The following GPM6A variants were observed in gnomAD, a reference collection of about 807,000 sequenced individuals.
The protein encoded by GPM6A is neuronal membrane glycoprotein M6-a.
Under a neutral mutation model 32.1 loss-of-function variants are expected in GPM6A, and 7 were observed. That is an observed-to-expected ratio of 0.22 (90% confidence interval 0.12 to 0.41). The LOEUF is 0.41. Among genes scored for constraint, GPM6A ranks in the 10% least tolerant of loss-of-function variants. The pLI is 1.00. For missense variants in GPM6A, 235 were observed against 347.2 expected, an observed-to-expected ratio of 0.68 and a Z score of 2.57; for synonymous variants, 130 against 123.4, an observed-to-expected ratio of 1.05 and a Z score of -0.35.
intron 1 of GPM6A, among the ~76,000 whole-genome samples, chr4:175,802,113 G>A (rs767476024): frequency 4.6e-5 from 7 of 151,922 alleles, no homozygotes; most frequent in African/African-American, 7.2e-5. Flanking sequence ...TTAAATTTTC[G>A]TGCAGTGTTG....
At chr4:175,817,240 A>G (rs544885681), upstream of GPM6A, among the ~76,000 whole-genome samples, 267 of 152,366 alleles carry the variant, frequency 1.8e-3, no homozygotes, top group African/African-American at 6.2e-3. Context: ...AACATTCTTC[A>G]GAGTTACATA....
chr4:175,836,664 G>A (rs1339324188), intron 1 of GPM6A, among the ~76,000 whole-genome samples: 3 of 152,004 alleles, frequency 2.0e-5, no homozygotes, highest in Non-Finnish European at 4.4e-5. Context: ...GCAGGAATAT[G>A]TTAGAAAATG....
intron 1 of GPM6A, among the ~76,000 whole-genome samples, chr4:175,831,775 G>C (rs186825003): frequency 2.9e-5 from 4 of 139,748 alleles, no homozygotes; most frequent in African/African-American, 1.1e-4. Flanking sequence ...GCTGGAGTGC[G>C]CTATCTTAGC....
intron 1 of GPM6A, among the ~76,000 whole-genome samples, chr4:175,795,372 G>A (rs958880383): frequency 6.6e-5 from 10 of 152,230 alleles, no homozygotes; most frequent in African/African-American, 2.4e-4. Context: ...TGCTCCACCT[G>A]AGTAAGGGCT....
At chr4:175,941,169 T>C (rs1355430312) in intron 1 of GPM6A, among the ~76,000 whole-genome samples, 1 of 152,230 alleles carries the variant, frequency 6.6e-6, no homozygotes, top group South Asian at 2.1e-4. Flanking sequence ...GCTCAAATAC[T>C]GGTTTCTGGC....
intron 2 of GPM6A, among the ~76,000 whole-genome samples, chr4:175,694,573 A>G (rs986235465): frequency 6.6e-6 from 1 of 152,200 alleles, no homozygotes; most frequent in Non-Finnish European, 1.5e-5. Context: ...CAAAGCATTC[A>G]AGATGTGACC....
intron 2 of GPM6A, among the ~76,000 whole-genome samples, chr4:175,679,929 A>C (rs949734742): frequency 6.6e-6 from 1 of 152,100 alleles, no homozygotes; most frequent in African/African-American, 2.4e-5. Context: ...ACCTCTTTCA[A>C]CCTCAGAAAC....
At chr4:175,765,612 T>C (rs1732931925) in intron 1 of GPM6A, among the ~76,000 whole-genome samples, 1 of 152,214 alleles carries the variant, frequency 6.6e-6, no homozygotes, top group South Asian at 2.1e-4. Context: ...TCCTATTAAA[T>C]ATTAGAATTT....
chr4:175,833,161 T>C (rs964114303), intron 1 of GPM6A, among the ~76,000 whole-genome samples: 4 of 152,184 alleles, frequency 2.6e-5, no homozygotes, highest in African/African-American at 4.8e-5. Context: ...GGAGAGGCTC[T>C]TAACAAAAAG....
At chr4:175,803,967 G>T (rs979061837) in intron 1 of GPM6A, among the ~76,000 whole-genome samples, 2 of 145,062 alleles carry the variant, frequency 1.4e-5, no homozygotes, top group Non-Finnish European at 3.2e-5. Context: ...ACTGTAAAAT[G>T]GTTTTTTTTT....
chr4:175,964,799 C>CAG (rs1157155467), intron 1 of GPM6A, among the ~76,000 whole-genome samples: 1 of 152,096 alleles, frequency 6.6e-6, no homozygotes, highest in Non-Finnish European at 1.5e-5. Context: ...TCAGACAGTA[C>CAG]AGACATCAGA....
intron 1 of GPM6A, among the ~76,000 whole-genome samples, chr4:175,950,690 A>G (rs1243026433): frequency 2.0e-5 from 3 of 152,184 alleles, no homozygotes; most frequent in African/African-American, 4.8e-5. Context: ...GGCAGGGGAA[A>G]TGAGGGGACA....
At chr4:175,921,276 T>C (rs10001784) in intron 1 of GPM6A, among the ~76,000 whole-genome samples, 4,948 of 152,260 alleles carry the variant, frequency 0.032, 290 homozygotes, top group African/African-American at 0.11. Flanking sequence ...TTCAATTATC[T>C]AATCTCAAAA....
At chr4:175,976,575 C>T (rs906359520) in intron 1 of GPM6A, among the ~76,000 whole-genome samples, 12 of 152,104 alleles carry the variant, frequency 7.9e-5, no homozygotes, top group Non-Finnish European at 1.3e-4. Flanking sequence ...TGGTTCAGAA[C>T]CAACGGTAGG....
intron 1 of GPM6A, among the ~76,000 whole-genome samples, chr4:175,991,780 C>A (rs1460582287): frequency 6.6e-6 from 1 of 151,882 alleles, no homozygotes; most frequent in Non-Finnish European, 1.5e-5. Flanking sequence ...GTTCCATGCC[C>A]TGATATTTCT....
chr4:175,938,852 A>T (rs1427479462), intron 1 of GPM6A, among the ~76,000 whole-genome samples: 1 of 152,184 alleles, frequency 6.6e-6, no homozygotes, highest in African/African-American at 2.4e-5. Flanking sequence ...TACCTCATAA[A>T]TATGTAAAAT....
chr4:175,783,770 G>C (rs1347871801), intron 1 of GPM6A, among the ~76,000 whole-genome samples: 22 of 151,424 alleles, frequency 1.5e-4, no homozygotes, highest in Non-Finnish European at 3.1e-4. Context: ...CAAAAAAATA[G>C]AAAAATAAAT....
chr4:175,762,091 G>A (rs1306440772), intron 1 of GPM6A, among the ~76,000 whole-genome samples: 2 of 152,164 alleles, frequency 1.3e-5, no homozygotes. Context: ...ACTGCACTGG[G>A]CCATAATAAG....
intron 1 of GPM6A, among the ~76,000 whole-genome samples, chr4:175,808,417 A>T (rs1051004856): frequency 1.3e-5 from 2 of 152,214 alleles, no homozygotes; most frequent in East Asian, 3.8e-4. Flanking sequence ...GATATGAAAA[A>T]CAAAGAAAAT....
Sources: gnomAD v4.1 joint callset for allele counts (sites outside exome capture counted in the v4.1 genomes callset) on GRCh38, gnomAD v4.1.1 for gene constraint, MANE v1.5 for transcripts, NCBI Gene and HGNC (gene_info 2026-07-23, HGNC 2026-07-21) for gene names.